The following SRSF4 variants were observed in gnomAD, a reference collection of about 807,000 sequenced individuals.
SRSF4 encodes the protein serine/arginine-rich splicing factor 4.
A neutral mutation model predicts 48.8 loss-of-function variants in SRSF4; 12 were observed. The ratio of observed to expected loss-of-function variants is 0.25; its 90% CI spans 0.16 to 0.40. The LOEUF (loss-of-function observed/expected upper bound fraction) is 0.40. Among genes scored for constraint, SRSF4 ranks in the 10% least tolerant of loss-of-function variants. The probability of loss-of-function intolerance (pLI) is 1.00; values close to 1 mark genes in which losing one functional copy is unlikely to be tolerated. For synonymous variants in SRSF4, 248 were observed against 232.5 expected (o/e 1.07, Z -0.61); for missense variants, 466 against 667.1 (o/e 0.70, Z 3.32).
intron 1 of SRSF4, chr1:29,172,774 A>G (rs1672764127): frequency 6.6e-6 from 1 of 152,192 alleles, no homozygotes; most frequent in African/African-American, 2.4e-5. Context: ...TGGAATCCAT[A>G]TGTACTCAGG....
In SRSF4 at chr1:29,181,888, T is replaced by A. The variant is rs1020381939; in HGVS notation, c.-136A>T. On this transcript the variant is annotated 5_prime_UTR_variant, in exon 1 of 6. Transcript: ENST00000373795. ...CGGACGCAGCCGAACCCCGGCGACGTACGCGAGCACGCAGCTCGCGAGCGC... is the reference window on the plus strand; with the variant it reads ...CGGACGCAGCCGAACCCCGGCGACGAACGCGAGCACGCAGCTCGCGAGCGC... 5 of 594,434 alleles carry A rather than the reference T, an allele frequency of 8.4e-6. No individual in the cohort carries two copies. The highest frequency in any genetic ancestry group is 1.3e-5 in the Non-Finnish European group (5 of 393,230). The allele number at this position is 594,434 out of a possible 1,614,324, so 36.8% of individuals were successfully genotyped here. A position where few individuals can be genotyped will look rare whatever the true frequency, so the allele number is the denominator to read the frequency against.
chr1:29,151,274 A>C (rs933065646), intron 4 of SRSF4, among the ~76,000 whole-genome samples: 2 of 152,176 alleles, frequency 1.3e-5, no homozygotes, highest in African/African-American at 4.8e-5. Context: ...AGTTCAGGGG[A>C]TAAGATACAA....
chr1:29,152,685 G>A (rs1214408341), intron 4 of SRSF4, among the ~76,000 whole-genome samples: 4 of 152,046 alleles, frequency 2.6e-5, no homozygotes, highest in African/African-American at 7.2e-5. Context: ...TTGGAAGGCC[G>A]AGGTGGGTGG....
chr1:29,179,458 G>T (rs1672920875), intron 1 of SRSF4, among the ~76,000 whole-genome samples: 1 of 152,110 alleles, frequency 6.6e-6, no homozygotes, highest in South Asian at 2.1e-4. Context: ...ATCCTAGGCT[G>T]AAGTGATCCT....
chr1:29,175,924 G>A (rs1672841940), intron 1 of SRSF4, among the ~76,000 whole-genome samples: 1 of 151,904 alleles, frequency 6.6e-6, no homozygotes, highest in Non-Finnish European at 1.5e-5. Flanking sequence ...CAGTGCAAAT[G>A]GGATGCTATT....
At chr1:29,161,889 G>A (rs1010856115) in intron 1 of SRSF4, among the ~76,000 whole-genome samples, 1 of 152,316 alleles carries the variant, frequency 6.6e-6, no homozygotes. Flanking sequence ...CACTGCGCCC[G>A]GCCTCCAGTT....
chr1:29,150,047 G>A (rs1282495184), intron 5 of SRSF4, 56 bp downstream of exon 5: 1 of 1,407,230 alleles, frequency 7.1e-7, no homozygotes, highest in Non-Finnish European at 9.9e-7. Flanking sequence ...AAAAAAGTGA[G>A]ACAGGGTACA....
In SRSF4 at chr1:29,160,526, G is replaced by C. The variant is rs1241876405; in HGVS notation, c.108-9C>G. ...ACTCCACAAAACCATATCTAGAAGA[G>C]AGCAAAGAAAATACTGGTTGGTACC... On this transcript the variant is annotated splice_polypyrimidine_tract_variant and intron_variant, in intron 1 of 5. Transcript: ENST00000373795. 2 of 1,594,212 alleles carry C rather than the reference G, an allele frequency of 1.3e-6. No individual in the cohort carries two copies. The highest frequency in any genetic ancestry group is 1.8e-5 in the Admixed American group (1 of 55,524).
intron 4 of SRSF4, among the ~76,000 whole-genome samples, chr1:29,153,742 G>A (rs939659126): frequency 7.2e-5 from 11 of 151,892 alleles, no homozygotes; most frequent in Admixed American, 5.2e-4. Flanking sequence ...GGGATTACAG[G>A]CATGCACCAC....
intron 1 of SRSF4, among the ~76,000 whole-genome samples, chr1:29,176,801 A>G (rs535789909): frequency 4.9e-4 from 75 of 152,346 alleles, no homozygotes; most frequent in African/African-American, 1.7e-3. Flanking sequence ...ATTAGATAGC[A>G]TGACTAAACA....
intron 2 of SRSF4, chr1:29,159,700 C>G: frequency 2.7e-6 from 1 of 365,638 alleles, no homozygotes; most frequent in South Asian, 7.1e-5. Flanking sequence ...TATACATATT[C>G]ATTAATATTT....
Position 29,148,453 on chromosome 1 carries a change from C to G in SRSF4, c.1442G>C (p.Arg481Thr), listed in dbSNP as rs149351367. The G allele has an allele frequency of 6.2e-7, 1 of 1,611,528 alleles. No homozygotes were observed. The highest frequency in any genetic ancestry group is 1.3e-5 in the African/African-American group (1 of 74,902). The change falls in exon 6 of 6, where the codon AGA (arginine) becomes ACA (threonine). Residue 481 changes from arginine (R) to threonine (T), a missense_variant. This residue lies in a region of SRSF4 where 402 missense variants were observed against 437.0 expected (regional missense o/e 0.92). Coordinates refer to ENST00000373795, the MANE Select transcript of SRSF4 (RefSeq NM_005626.5). ...RSKSRSRSAS[R>T]SPSRSRSRSH... ...CCTAGATCTAGATCGGGAGGGCGAT[C>G]TGGAAGCAGACCTGGATCTAGACTT...
At chr1:29,165,507 A>G (rs1353505997) in intron 1 of SRSF4, among the ~76,000 whole-genome samples, 2 of 152,242 alleles carry the variant, frequency 1.3e-5, no homozygotes, top group South Asian at 2.1e-4. Flanking sequence ...CTAATAGCCT[A>G]TACCAATGGT....
chr1:29,154,936 C>T, intron 3 of SRSF4, 26 bp from the exon 4 acceptor site: 11 of 1,590,114 alleles, frequency 6.9e-6, no homozygotes, highest in Non-Finnish European at 9.4e-6. Context: ...AGTGTGACTA[C>T]ATTAGGATAT....
At chr1:29,164,972 A>G (rs781426243) in intron 1 of SRSF4, among the ~76,000 whole-genome samples, 1 of 152,222 alleles carries the variant, frequency 6.6e-6, no homozygotes, top group African/African-American at 2.4e-5. Context: ...AAATTTGCTC[A>G]TCAGAACATT....
intron 1 of SRSF4, chr1:29,173,462 T>TC (rs1431279338): frequency 7.7e-5 from 9 of 117,444 alleles, no homozygotes; most frequent in Admixed American, 7.4e-4. Flanking sequence ...TGTTTTTTTT[T>TC]TTTCTTTTTT....
chr1:29,150,042 A>T, intron 5 of SRSF4, 61 bp downstream of exon 5: 2 of 1,410,472 alleles, frequency 1.4e-6, no homozygotes, highest in Non-Finnish European at 2.0e-6. Context: ...AAGAAAAAAA[A>T]GTGAGACAGG....
In SRSF4 at chr1:29,181,828, G is replaced by A. The variant is rs1672966542; in HGVS notation, c.-76C>T. On this transcript the variant is annotated 5_prime_UTR_variant, in exon 1 of 6. Coordinates refer to ENST00000373795, the MANE Select transcript of SRSF4 (RefSeq NM_005626.5). ...CGGCGGGCAAAGCGAGAGCACGGCG[G>A]CAGCGGCGGCGGCGGCAACGGGCGG... 4.7e-6 allele frequency: 6 copies of A among 1,267,922 alleles called. No homozygotes were observed. The highest frequency in any genetic ancestry group is 1.6e-5 in the African/African-American group (1 of 64,288). The allele number at this position is 1,267,922 out of a possible 1,614,324, so 78.5% of individuals were successfully genotyped here.
At chr1:29,152,266 A>G (rs921368651) in intron 4 of SRSF4, among the ~76,000 whole-genome samples, 3 of 152,252 alleles carry the variant, frequency 2.0e-5, no homozygotes, top group African/African-American at 7.2e-5. Context: ...ATAGATGTCT[A>G]GACTTGCCTT....
Sources: allele counts gnomAD v4.1 joint callset (sites outside exome capture counted in the v4.1 genomes callset), GRCh38; gene constraint gnomAD v4.1.1; regional missense constraint gnomAD v4.1.1; transcripts MANE v1.5; gene names NCBI Gene and HGNC (gene_info 2026-07-23, HGNC 2026-07-21).